Variants in KCNAB2 observed in about 807,000 individuals in gnomAD.
KCNAB2 encodes the protein voltage-gated potassium channel subunit beta-2.
In KCNAB2, 29 loss-of-function variants were observed where a neutral mutation model predicts 63.6. The ratio of observed to expected loss-of-function variants is 0.46; its 90% CI spans 0.34 to 0.62. KCNAB2 has a LOEUF of 0.62. KCNAB2 is among the 20% of genes least tolerant of loss of function. The pLI, the probability that KCNAB2 is intolerant of heterozygous loss-of-function variation, is 0.01. For missense variants in KCNAB2, 359 were observed against 563.9 expected, an observed-to-expected ratio of 0.64 and a Z score of 3.68; for synonymous variants, 222 against 224.2, an observed-to-expected ratio of 0.99 and a Z score of 0.09.
chr1:6,037,960 C>T lies in KCNAB2; in HGVS notation c.-52-2557C>T, dbSNP rs567644465. 2.0e-3 allele frequency among the ~76,000 whole-genome samples: 304 copies of T among 149,850 alleles called. 1 individual carries two copies. The highest frequency in any genetic ancestry group is 7.1e-3 in the African/African-American group (288 of 40,618). ...CGCGAACTCGGCTCACTGCAAGCTC[C>T]GTCTCCCGGGTTCACGCCATTCTCC... On this transcript the variant is annotated intron_variant, in intron 1 of 15. Transcript: ENST00000164247.
chr1:6,092,097 C>T (rs1469652228), intron 10 of KCNAB2, among the ~76,000 whole-genome samples: 1 of 152,236 alleles, frequency 6.6e-6, no homozygotes, highest in African/African-American at 2.4e-5. Flanking sequence ...ATTTGTGATG[C>T]GGCAGGAGAT....
intron 1 of KCNAB2, among the ~76,000 whole-genome samples, chr1:5,999,574 T>C (rs1302429837): frequency 1.3e-5 from 2 of 152,204 alleles, no homozygotes; most frequent in African/African-American, 4.8e-5. Context: ...TGCTGCACTT[T>C]TGTGAGCTTC....
intron 1 of KCNAB2, among the ~76,000 whole-genome samples, chr1:6,012,164 G>T (rs944788702): frequency 4.0e-5 from 6 of 150,916 alleles, no homozygotes; most frequent in African/African-American, 1.5e-4. Context: ...TGAAGGTGGA[G>T]GTGGTGGGTG....
chr1:6,087,422 A>G lies in KCNAB2; in HGVS notation c.426-45A>G, dbSNP rs777804911. On this transcript the variant is annotated intron_variant, in intron 6 of 15. Coordinates refer to ENST00000378083, the MANE Select transcript of KCNAB2 (RefSeq NM_001199862.2). This position sits in a 1 kb window ranked among gnomAD's most constrained non-coding sequence, Gnocchi z 6.4. ...CGTCGGGGATGAAGGAGGACCCCCC[A>G]GGGGCCGGGCTTATCACACCCCTTC... is the stretch of plus-strand genomic sequence containing the variant. 4 of 1,605,638 alleles carry G rather than the reference A, an allele frequency of 2.5e-6. No homozygotes were observed. Among genetic ancestry groups the G allele is most frequent in the Non-Finnish European group, 2.6e-6 (3 of 1,172,372 alleles).
At chr1:6,079,221 C>T (rs777332205) in intron 4 of KCNAB2, among the ~76,000 whole-genome samples, 19 of 151,644 alleles carry the variant, frequency 1.3e-4, no homozygotes, top group Non-Finnish European at 8.8e-5. Flanking sequence ...TCTCTCCTTG[C>T]CTGCCTGACA....
intron 2 of KCNAB2, among the ~76,000 whole-genome samples, chr1:6,072,287 C>T (rs1405869729): frequency 6.6e-6 from 1 of 152,220 alleles, no homozygotes; most frequent in Non-Finnish European, 1.5e-5. Context: ...GACAGATGCA[C>T]AGGCCATGTG....
At chr1:6,005,026 AG>A (rs1252938897) in intron 1 of KCNAB2, among the ~76,000 whole-genome samples, 1 of 57,066 alleles carries the variant, frequency 1.8e-5, no homozygotes, top group East Asian at 3.9e-4. Flanking sequence ...AGGGTGGAGT[AG>A]GGGGACGCGG....
upstream of KCNAB2, among the ~76,000 whole-genome samples, chr1:6,044,694 G>A (rs893315955): frequency 6.6e-6 from 1 of 152,186 alleles, no homozygotes; most frequent in African/African-American, 2.4e-5. Context: ...ATCTGCTCTA[G>A]GAAGGAAGCC....
At chr1:6,031,906 G>C (rs921599008), upstream of KCNAB2, among the ~76,000 whole-genome samples, 1 of 151,988 alleles carries the variant, frequency 6.6e-6, no homozygotes, top group Admixed American at 6.6e-5. The surrounding 1 kb of genome is among the most constrained non-coding windows in gnomAD (Gnocchi z 4.1). Flanking sequence ...GAAAGAAAGA[G>C]AGAGGGGCAT....
At position 6,086,502 on chromosome 1, in the gene KCNAB2, C is replaced by A; in HGVS notation, c.426-965C>A. ...GGCAGAGGAGGCCTCCTACTCCAGC[C>A]TCGTGAGCTGCTTCCCTGAGCAGCC... On this transcript the variant is annotated intron_variant, in intron 6 of 15. Transcript: ENST00000378083. The surrounding 1 kb of genome is among the most constrained non-coding windows in gnomAD (Gnocchi z 4.2). The A allele has an allele frequency of 1.8e-6, 1 of 544,644 alleles. No homozygotes were observed. Among genetic ancestry groups the A allele is most frequent in the Non-Finnish European group, 2.3e-6 (1 of 427,216 alleles). The allele number at this position is 544,644 out of a possible 1,614,324, so 33.7% of individuals were successfully genotyped here.
chr1:6,044,994 G>T (rs974422322), upstream of KCNAB2, among the ~76,000 whole-genome samples: 1 of 152,126 alleles, frequency 6.6e-6, no homozygotes, highest in African/African-American at 2.4e-5. Flanking sequence ...CAGGCCCCCC[G>T]ACCAGGGCGA....
chr1:6,059,486 A>G (rs1015344467), intron 2 of KCNAB2, among the ~76,000 whole-genome samples: 1 of 152,076 alleles, frequency 6.6e-6, no homozygotes. Flanking sequence ...CACTGTGCCC[A>G]GCCACACCTG....
intron 10 of KCNAB2, among the ~76,000 whole-genome samples, chr1:6,093,652 C>G (rs1665377783): frequency 2.0e-5 from 3 of 152,228 alleles, no homozygotes; most frequent in Admixed American, 2.0e-4. Context: ...AGGCCCTGGC[C>G]CCTCACAGGA....
Position 6,014,134 on chromosome 1 carries a change from A to G in KCNAB2, c.-53+21346A>G, listed in dbSNP as rs139459792. Among the ~76,000 whole-genome samples, 381 of 152,368 alleles carry G rather than the reference A, an allele frequency of 2.5e-3. 3 individuals carry two copies. Among genetic ancestry groups the G allele is most frequent in the African/African-American group, 8.9e-3 (371 of 41,594 alleles). On this transcript the variant is annotated intron_variant, in intron 1 of 16. Coordinates refer to the KCNAB2 transcript ENST00000341524. ...TATCCCGAGGCCTCATTCAGACTGC[A>G]CTGGGTCGCCAGCAGCTCTGACATC...
chr1:6,032,279 T>C (rs1185062155), upstream of KCNAB2, among the ~76,000 whole-genome samples: 2 of 151,918 alleles, frequency 1.3e-5, no homozygotes, highest in Non-Finnish European at 2.9e-5. Flanking sequence ...TGGTTAATCA[T>C]GAAAAAAAGA....
At chr1:5,996,732 G>A (rs12117616) in intron 1 of KCNAB2, among the ~76,000 whole-genome samples, 7,513 of 152,308 alleles carry the variant, frequency 0.049, 314 homozygotes, top group African/African-American at 0.12. Flanking sequence ...CTGGCCGTCC[G>A]CCTTTACCTG....
chr1:6,040,481 A>C, intron 1 of KCNAB2: 1 of 1,137,222 alleles, frequency 8.8e-7, no homozygotes. Context: ...TTTAACCACC[A>C]CCCTCTTCCC....
intron 4 of KCNAB2, among the ~76,000 whole-genome samples, chr1:6,079,297 A>T (rs893111120): frequency 3.3e-5 from 5 of 152,250 alleles, no homozygotes; most frequent in African/African-American, 1.2e-4. Flanking sequence ...AGGCGGGCAG[A>T]TCACTTGAGG....
In KCNAB2 at chr1:6,087,287, C is replaced by T. The variant is rs1447054336; in HGVS notation, c.426-180C>T. 6.6e-6 allele frequency among the ~76,000 whole-genome samples: 1 copy of T among 152,212 alleles called. No individual in the cohort carries two copies. Among genetic ancestry groups the T allele is most frequent in the Non-Finnish European group, 1.5e-5 (1 of 68,036 alleles). On this transcript the variant is annotated intron_variant, in intron 6 of 15. Coordinates refer to ENST00000378083, the MANE Select transcript of KCNAB2 (RefSeq NM_001199862.2). This position sits in a 1 kb window ranked among gnomAD's most constrained non-coding sequence, Gnocchi z 6.4. ...GCCTCCTGGCTCCATGAGGAGCCCACGCACCCCGGCTGGGCACGTGGTACA... is the reference window on the plus strand; with the variant it reads ...GCCTCCTGGCTCCATGAGGAGCCCATGCACCCCGGCTGGGCACGTGGTACA...
Sources: gnomAD v4.1 joint callset for allele counts (sites outside exome capture counted in the v4.1 genomes callset) on GRCh38, gnomAD v4.1.1 for gene constraint, Gnocchi (gnomAD v3.1) non-coding constraint, MANE v1.5 for transcripts, NCBI Gene and HGNC (gene_info 2026-07-23, HGNC 2026-07-21) for gene names.